The following TMEM266 variants were observed in gnomAD, a reference collection of about 807,000 sequenced individuals.
TMEM266 encodes Hv1 related protein 1.
In TMEM266, 33 loss-of-function variants were observed where a neutral mutation model predicts 50.5. That is an observed-to-expected ratio of 0.65 (90% CI 0.50 to 0.87). The LOEUF (loss-of-function observed/expected upper bound fraction) is 0.87. TMEM266 is among the 40% of genes least tolerant of loss of function. The pLI is 0.00. For missense variants in TMEM266, 655 were observed against 695.1 expected, an observed-to-expected ratio of 0.94 and a Z score of 0.65; for synonymous variants, 310 against 292.3, an observed-to-expected ratio of 1.06 and a Z score of -0.62.
chr15:76,107,246 T>C (rs2142008312), intron 1 of TMEM266, among the ~76,000 whole-genome samples: 1 of 152,362 alleles, frequency 6.6e-6, no homozygotes, highest in South Asian at 2.1e-4. Flanking sequence ...TTGCATTCTT[T>C]CATTCATACG....
chr15:76,187,706 C>G lies in TMEM266; in HGVS notation c.769-4262C>G, dbSNP rs1476833838. Among the ~76,000 whole-genome samples, 8 of 152,300 alleles carry G rather than the reference C, an allele frequency of 5.3e-5. No individual in the cohort carries two copies. The East Asian group carries it at 1.4e-3, about 26-fold the overall frequency. ...GGCTGAGTCTGTGACCAGCATCGGG[C>G]TCAGTGTGTGATCAGGGTCAGGGCT... is the stretch of plus-strand genomic sequence containing the variant. On this transcript the variant is annotated intron_variant, in intron 8 of 10. Coordinates refer to ENST00000388942, the MANE Select transcript of TMEM266 (RefSeq NM_152335.3).
chr15:76,163,273 A>T (rs2142053436), intron 5 of TMEM266, among the ~76,000 whole-genome samples: 1 of 152,264 alleles, frequency 6.6e-6, no homozygotes, highest in African/African-American at 2.4e-5. Context: ...CAGGCCATAG[A>T]GCTAGGCCCA....
At chr15:76,126,389 A>G (rs1025893275) in intron 1 of TMEM266, among the ~76,000 whole-genome samples, 6 of 149,226 alleles carry the variant, frequency 4.0e-5, no homozygotes, top group Non-Finnish European at 8.9e-5. Context: ...ATATATATAT[A>G]TATATATATA....
At chr15:76,145,878 C>T (rs1215542760) in intron 3 of TMEM266, among the ~76,000 whole-genome samples, 1 of 152,220 alleles carries the variant, frequency 6.6e-6, no homozygotes, top group East Asian at 1.9e-4. Flanking sequence ...TGCACATAAC[C>T]AGAGCCCCTG....
chr15:76,117,190 C>T (rs1428961653), intron 1 of TMEM266, among the ~76,000 whole-genome samples: 1 of 152,140 alleles, frequency 6.6e-6, no homozygotes, highest in Non-Finnish European at 1.5e-5. Flanking sequence ...TGAGCCAGTA[C>T]ACCCAGCCGA....
rs1388101806 is a variant in TMEM266, at chr15:76,084,959, C to CT, written c.-97+24957dup. 6.5e-3 allele frequency among the ~76,000 whole-genome samples: 876 copies of CT among 134,984 alleles called. 3 individuals are homozygous for CT. Among genetic ancestry groups the CT allele is most frequent in the African/African-American group, 0.016 (587 of 37,014 alleles). 88.6% of individuals were successfully genotyped at this position (134,984 alleles called of 152,430 possible). A position where few individuals can be genotyped will look rare whatever the true frequency, so the allele number is the denominator to read the frequency against. On this transcript the variant is annotated intron_variant, in intron 1 of 10. Transcript: ENST00000388942. ...GATTTGCATTTTCTTTTTCTTTTTC[C>CT]TTTTTTTTTTTTTTATTGAGACAAG...
intron 1 of TMEM266, among the ~76,000 whole-genome samples, chr15:76,108,531 G>T (rs977646863): frequency 4.6e-5 from 7 of 152,144 alleles, no homozygotes; most frequent in Non-Finnish European, 1.0e-4. Context: ...CATTTCTAAT[G>T]AGCTCCCAGG....
At chr15:76,138,078 C>T (rs1170431225) in intron 3 of TMEM266, among the ~76,000 whole-genome samples, 183 bp downstream of exon 3, 3 of 151,934 alleles carry the variant, frequency 2.0e-5, no homozygotes, top group East Asian at 1.9e-4. Context: ...AAAAATTAGC[C>T]GAGTGTGGTG....
chr15:76,124,305 C>T (rs1457627017), intron 1 of TMEM266, among the ~76,000 whole-genome samples: 1 of 152,200 alleles, frequency 6.6e-6, no homozygotes, highest in Non-Finnish European at 1.5e-5. Context: ...GAATCTATCA[C>T]ACACAAGACA....
chr15:76,191,965 C>T lies in TMEM266; in HGVS notation c.769-3C>T. ...ATTCAGCCTTGCCCGTCTCCCTCCG[C>T]AGTTTGAGATCCGGCAGCTGCGCGC... On this transcript the variant is annotated splice_region_variant and splice_polypyrimidine_tract_variant and intron_variant, in intron 8 of 10. Transcript: ENST00000388942. 1.3e-6 allele frequency: 2 copies of T among 1,581,384 alleles called. No homozygotes were observed. Among genetic ancestry groups the T allele is most frequent in the Non-Finnish European group, 1.7e-6 (2 of 1,169,042 alleles).
chr15:76,079,687 C>T (rs907876604), intron 1 of TMEM266, among the ~76,000 whole-genome samples: 13 of 147,588 alleles, frequency 8.8e-5, no homozygotes, highest in African/African-American at 3.3e-4. Flanking sequence ...ACTCGGGAGG[C>T]TGAGTGAAAC....
At chr15:76,108,553 C>T (rs1168104902) in intron 1 of TMEM266, among the ~76,000 whole-genome samples, 1 of 152,164 alleles carries the variant, frequency 6.6e-6, no homozygotes, top group Non-Finnish European at 1.5e-5. Flanking sequence ...GATGCCAGTG[C>T]TGCTGCTGGA....
chr15:76,127,919 C>T (rs996638986), intron 1 of TMEM266, among the ~76,000 whole-genome samples: 107 of 152,248 alleles, frequency 7.0e-4, no homozygotes, highest in African/African-American at 2.5e-3. Context: ...TCCAGACATA[C>T]TAAATTAGAA....
At chr15:76,143,565 A>G (rs993803354) in intron 3 of TMEM266, among the ~76,000 whole-genome samples, 4 of 152,122 alleles carry the variant, frequency 2.6e-5, no homozygotes, top group Non-Finnish European at 5.9e-5. Flanking sequence ...CATGTTACCC[A>G]AGCTGGTCTT....
intron 1 of TMEM266, among the ~76,000 whole-genome samples, chr15:76,125,136 T>C (rs1479581996): frequency 6.6e-6 from 1 of 152,092 alleles, no homozygotes; most frequent in Non-Finnish European, 1.5e-5. Flanking sequence ...GATATTTACA[T>C]TAAAAAAGTA....
chr15:76,065,611 A>G (rs892441310), intron 1 of TMEM266, among the ~76,000 whole-genome samples: 2 of 152,160 alleles, frequency 1.3e-5, no homozygotes, highest in African/African-American at 4.8e-5. Context: ...GCTTTGAGTA[A>G]GTGATTTAAC....
rs1352961941 is a variant in TMEM266, at chr15:76,168,786, C to T, written c.457-1030C>T. Among the ~76,000 whole-genome samples the T allele has an allele frequency of 6.6e-6, 1 of 152,308 alleles. No homozygotes were observed. Among genetic ancestry groups the T allele is most frequent in the African/African-American group, 2.4e-5 (1 of 41,580 alleles). On this transcript the variant is annotated intron_variant, in intron 5 of 10. Transcript: ENST00000388942. The surrounding 1 kb of genome is among the most constrained non-coding windows in gnomAD (Gnocchi z 4.4). Reference sequence around the variant, plus strand: ...GAGGGAATCAGCACAAGGTACAAGGCAGTGCTGTGGAGGGTGACGCCCAGA... The same window carrying T: ...GAGGGAATCAGCACAAGGTACAAGGTAGTGCTGTGGAGGGTGACGCCCAGA...
rs555269510 is a variant in TMEM266 at position 76,060,008 on chromosome 15, G to A, written c.-105G>A. The A allele has an allele frequency of 2.1e-4, 31 of 151,022 alleles. No homozygotes were observed. Among genetic ancestry groups the A allele is most frequent in the Non-Finnish European group, 1.5e-5 (1 of 67,556 alleles). The allele number at this position is 151,022 out of a possible 1,614,324, so 9.4% of individuals were successfully genotyped here. On this transcript the variant is annotated 5_prime_UTR_variant, in exon 1 of 11. Transcript: ENST00000388942. ...GCAGAGCCGAGCGAATCCCGAGCCC[G>A]GGCAGCAGGTATGTGTCCTCGCAGC...
intron 8 of TMEM266, among the ~76,000 whole-genome samples, chr15:76,186,673 A>G (rs1283380008): frequency 6.6e-6 from 1 of 152,088 alleles, no homozygotes; most frequent in Non-Finnish European, 1.5e-5. Flanking sequence ...TGTCTCTGGC[A>G]TGGACTGCTG....
Sources: gnomAD v4.1 joint callset for allele counts (sites outside exome capture counted in the v4.1 genomes callset) on GRCh38, gnomAD v4.1.1 for gene constraint, Gnocchi (gnomAD v3.1) non-coding constraint, MANE v1.5 for transcripts, NCBI Gene and HGNC (gene_info 2026-07-23, HGNC 2026-07-21) for gene names.